The following ZNF101 variants were observed in gnomAD, a reference collection of about 807,000 sequenced individuals.
ZNF101 encodes the protein zinc finger protein 101, also known as zinc finger protein 101 (Y2).
Under a neutral mutation model 42.6 loss-of-function variants are expected in ZNF101, and 34 were observed. That is an observed-to-expected ratio of 0.80 (90% CI 0.61 to 1.06). The LOEUF is 1.06. ZNF101 is among the 50% of genes least tolerant of loss of function. ZNF101 has a pLI of 0.00. For synonymous variants in ZNF101, 158 were observed against 183.9 expected, an observed-to-expected ratio of 0.86 and a Z score of 1.14; for missense variants, 466 against 530.9, an observed-to-expected ratio of 0.88 and a Z score of 1.20.
At position 19,679,410 on chromosome 19, in the gene ZNF101, C is replaced by G; in HGVS notation, c.421C>G (p.Arg141Gly). ...TGGTGGGGAATGGAGAGAGACGCCCCGTAAACAGAAACAACATGGGAAAGC... is the reference window on the plus strand; with the variant it reads ...TGGTGGGGAATGGAGAGAGACGCCCGGTAAACAGAAACAACATGGGAAAGC... ...ECGGEWRETP[R>G]KQKQHGKASI... The change falls in exon 4 of 4, where the codon CGT becomes GGT. Residue 141 changes from arginine to glycine, a missense_variant. By Grantham distance (125) the Arg-to-Gly change is moderately radical. Transcript: ENST00000592502. 2 of 1,613,860 alleles carry G rather than the reference C, an allele frequency of 1.2e-6. No individual in the cohort carries two copies. The highest frequency in any genetic ancestry group is 1.7e-6 in the Non-Finnish European group (2 of 1,179,864).
chr19:19,680,280 CA>C lies in ZNF101; in HGVS notation c.1292del (p.His431ProfsTer2). On this transcript the variant is annotated frameshift_variant, in exon 4 of 4. Transcript: ENST00000592502. LOFTEE classifies it high-confidence loss of function. The part of the protein sequence containing the change: ...SQCFGRRQGD[H>X]LSPGV ...GTGCTTTGGCAGGAGGCAGGGGGAT[CA>C]CCTGAGCCCAGGAGTTTGAGACCAG... is the stretch of plus-strand genomic sequence containing the variant. 6.6e-7 allele frequency: 1 copy of C among 1,518,028 alleles called. No homozygotes were observed. The highest frequency in any genetic ancestry group is 8.8e-7 in the Non-Finnish European group (1 of 1,137,846). The allele number at this position is 1,518,028 out of a possible 1,614,324, so 94.0% of individuals were successfully genotyped here.
chr19:19,681,914 TTTTC>T lies in ZNF101; in HGVS notation c.*1622_*1625del, dbSNP rs1362822994. 1.2e-4 allele frequency: 18 copies of T among 150,360 alleles called. 1 individual carries two copies. Among genetic ancestry groups the T allele is most frequent in the East Asian group, 9.7e-4 (5 of 5,130 alleles). 9.3% of individuals were successfully genotyped at this position (150,360 alleles called of 1,614,324 possible). On this transcript the variant is annotated 3_prime_UTR_variant, in exon 4 of 4. Coordinates refer to ENST00000592502, the MANE Select transcript of ZNF101 (RefSeq NM_033204.4). Reference sequence around the variant, plus strand: ...TAGCATTTATCAGTGGCTCATTCTTTTTTCTTTCTTTTTTTTTTTTTTTTTTGAG... The same window carrying T: ...TAGCATTTATCAGTGGCTCATTCTTTTTTCTTTTTTTTTTTTTTTTTTGAG...
intron 1 of ZNF101, among the ~76,000 whole-genome samples, chr19:19,670,975 G>A (rs533417125): frequency 2.0e-5 from 3 of 152,294 alleles, no homozygotes; most frequent in East Asian, 3.9e-4. Context: ...GCGTGGTGGC[G>A]AGCGCCTGTA....
intron 1 of ZNF101, among the ~76,000 whole-genome samples, chr19:19,671,911 GGCTTGTAACA>G (rs1186360666): frequency 6.6e-6 from 1 of 151,624 alleles, no homozygotes; most frequent in Non-Finnish European, 1.5e-5. Flanking sequence ...TGACTTCAAC[GGCTTGTAACA>G]GCAATTCAAG....
chr19:19,678,633 A>G, intron 2 of ZNF101, 93 bp from the exon 3 acceptor site: 3 of 1,057,458 alleles, frequency 2.8e-6, no homozygotes, highest in South Asian at 3.4e-5. Flanking sequence ...AAAAAAAATC[A>G]GGCATTGTGG....
chr19:19,670,323 G>C (rs1017707241), intron 1 of ZNF101, among the ~76,000 whole-genome samples: 1 of 152,228 alleles, frequency 6.6e-6, no homozygotes, highest in Admixed American at 6.5e-5. Context: ...GGCTTACTAC[G>C]GCCTCAACCT....
upstream of ZNF101, chr19:19,668,735 A>G (rs1053345982): frequency 1.0e-5 from 5 of 501,552 alleles, no homozygotes; most frequent in African/African-American, 4.0e-5. Flanking sequence ...GACCTGGGGC[A>G]CCAGCCAGTC....
upstream of ZNF101, among the ~76,000 whole-genome samples, chr19:19,668,304 C>G (rs1453834361): frequency 6.6e-6 from 1 of 151,982 alleles, no homozygotes; most frequent in African/African-American, 2.4e-5. Context: ...AGGAACTGGG[C>G]TGGGGTGTGA....
intron 1 of ZNF101, among the ~76,000 whole-genome samples, chr19:19,675,708 G>A (rs1018646225): frequency 6.6e-6 from 1 of 152,072 alleles, no homozygotes; most frequent in Non-Finnish European, 1.5e-5. Context: ...CTATGACTTA[G>A]CCTCATTTAA....
Position 19,682,649 on chromosome 19 carries a change from T to G in ZNF101, c.*2349T>G, listed in dbSNP as rs1248373017. Reference sequence around the variant, plus strand: ...GGAAGTGTTTTTATCCTAAGTTAGTTAATAAAATTTTTTTCTATCCATTTT... The same window carrying G: ...GGAAGTGTTTTTATCCTAAGTTAGTGAATAAAATTTTTTTCTATCCATTTT... On this transcript the variant is annotated 3_prime_UTR_variant, in exon 4 of 4. Transcript: ENST00000592502. The G allele has an allele frequency of 6.6e-6, 1 of 152,200 alleles. No individual in the cohort carries two copies. Among genetic ancestry groups the G allele is most frequent in the African/African-American group, 2.4e-5 (1 of 41,460 alleles). 9.4% of individuals were successfully genotyped at this position (152,200 alleles called of 1,614,324 possible). A position where few individuals can be genotyped will look rare whatever the true frequency, so the allele number is the denominator to read the frequency against.
intron 1 of ZNF101, among the ~76,000 whole-genome samples, chr19:19,675,576 T>C (rs907239391): frequency 4.6e-5 from 7 of 152,176 alleles, no homozygotes; most frequent in Non-Finnish European, 1.5e-5. Context: ...TACTGAAGTA[T>C]TCTAAAGGAC....
intron 1 of ZNF101, among the ~76,000 whole-genome samples, chr19:19,669,604 C>G (rs1339367954): frequency 6.6e-6 from 1 of 152,190 alleles, no homozygotes; most frequent in East Asian, 1.9e-4. Flanking sequence ...AGTGATTCTC[C>G]TGCCTCAGCC....
intron 1 of ZNF101, among the ~76,000 whole-genome samples, chr19:19,672,706 T>C (rs2062178418): frequency 6.6e-6 from 1 of 151,926 alleles, no homozygotes. Context: ...TTTGTATTTT[T>C]AGTAGACACG....
In ZNF101 at chr19:19,682,655, AATTTTTTTCTATCCATTTTGGTTTTC is replaced by A. The variant is rs1190698175; in HGVS notation, c.*2375_*2400del. 8 of 152,196 alleles carry A rather than the reference AATTTTTTTCTATCCATTTTGGTTTTC, an allele frequency of 5.3e-5. No homozygotes were observed. The highest frequency in any genetic ancestry group is 2.1e-4 in the South Asian group (1 of 4,824). 9.4% of individuals were successfully genotyped at this position (152,196 alleles called of 1,614,324 possible). ...GTTTTTATCCTAAGTTAGTTAATAA[AATTTTTTTCTATCCATTTTGGTTTTC>A]ATTTTTTTCTATCCATTTTAAAGTG... On this transcript the variant is annotated 3_prime_UTR_variant, in exon 4 of 4. Transcript: ENST00000592502.
Position 19,677,864 on chromosome 19 carries a change from G to T in ZNF101, c.4G>T (p.Asp2Tyr). The change falls in exon 2 of 4, where the codon GAC becomes TAC. Residue 2 changes from aspartate to tyrosine, a missense_variant and splice_region_variant. Asp to Tyr is a radical substitution (Grantham distance 160). Coordinates refer to ENST00000592502, the MANE Select transcript of ZNF101 (RefSeq NM_033204.4). ...CCTCCACACCTGTGGGATGTTTCAG[G>T]ACTCAGTGGCCTTTGAGGATGTGGC... M[D>Y]SVAFEDVAVN... 1 of 1,610,920 alleles carries T rather than the reference G, an allele frequency of 6.2e-7. No individual in the cohort carries two copies. Among genetic ancestry groups the T allele is most frequent in the South Asian group, 1.1e-5 (1 of 91,040 alleles).
At chr19:19,677,749 C>T in intron 1 of ZNF101, 115 bp from the exon 2 acceptor site, 1 of 1,443,654 alleles carries the variant, frequency 6.9e-7, no homozygotes, top group African/African-American at 1.5e-5. Flanking sequence ...GCCGATGACT[C>T]AATCATGGAG....
chr19:19,670,489 G>C (rs1011742362), intron 1 of ZNF101, among the ~76,000 whole-genome samples: 2 of 152,196 alleles, frequency 1.3e-5, no homozygotes, highest in Non-Finnish European at 2.9e-5. Flanking sequence ...TGCCCAGGTG[G>C]CTCACGCCTG....
rs146989739 is a variant in ZNF101 at position 19,678,547 on chromosome 19, G to A, written c.131-179G>A. ...GGAGAATCACTAGAACTCAGGAGGC[G>A]GAGGCTGCAGTGAGCAGAGATTGCA... On this transcript the variant is annotated intron_variant, in intron 2 of 3. Coordinates refer to ENST00000592502, the MANE Select transcript of ZNF101 (RefSeq NM_033204.4). 5.5e-3 allele frequency among the ~76,000 whole-genome samples: 841 copies of A among 151,912 alleles called. 12 individuals are homozygous for A. Among genetic ancestry groups the A allele is most frequent in the African/African-American group, 0.019 (782 of 41,384 alleles).
At position 19,680,005 on chromosome 19, in the gene ZNF101, A is replaced by C. The variant is rs1368980139; in HGVS notation, c.1016A>C (p.Glu339Ala). The C allele has an allele frequency of 3.9e-5, 63 of 1,613,986 alleles. No homozygotes were observed. The highest frequency in any genetic ancestry group is 5.1e-5 in the Non-Finnish European group (60 of 1,180,028). Residue 339 changes from glutamate (E) to alanine (A), a missense_variant, in exon 4 of 4, where the codon GAA (glutamate) becomes GCA (alanine). Coordinates refer to ENST00000592502, the MANE Select transcript of ZNF101 (RefSeq NM_033204.4). ...GCTCACACTGGAGAAAGACCTTATG[A>C]ATGTAATAAATGTGGTAAAACCTTC... ...ERAHTGERPY[E>A]CNKCGKTFNY...
Sources: gnomAD v4.1 joint callset for allele counts (sites outside exome capture counted in the v4.1 genomes callset) on GRCh38, gnomAD v4.1.1 for gene constraint, MANE v1.5 for transcripts, NCBI Gene and HGNC (gene_info 2026-07-23, HGNC 2026-07-21) for gene names.